ARHGEF10L: variants seen among roughly 807,000 people sequenced by gnomAD.
The protein encoded by ARHGEF10L is rho guanine nucleotide exchange factor 10-like protein.
A neutral mutation model predicts 141.2 loss-of-function variants in ARHGEF10L; 69 were observed. The observed-to-expected ratio is 0.49, with a 90% CI of 0.40 to 0.60. The LOEUF (loss-of-function observed/expected upper bound fraction) is 0.60. Among genes scored for constraint, ARHGEF10L ranks in the 20% least tolerant of loss-of-function variants. The pLI, the probability that ARHGEF10L is intolerant of heterozygous loss-of-function variation, is 0.00. For missense variants in ARHGEF10L, 1,482 were observed against 1,734.3 expected (o/e 0.85, Z 2.58); for synonymous variants, 711 against 718.5 (o/e 0.99, Z 0.17).
intron 1 of ARHGEF10L, among the ~76,000 whole-genome samples, chr1:17,543,963 T>C (rs1176842576): frequency 3.3e-5 from 5 of 150,666 alleles, no homozygotes; most frequent in African/African-American, 9.8e-5. Flanking sequence ...TATATATTTT[T>C]GAGATGGAGT....
intron 25 of ARHGEF10L, among the ~76,000 whole-genome samples, chr1:17,660,712 G>C (rs2102107228): frequency 6.6e-6 from 1 of 152,350 alleles, no homozygotes; most frequent in South Asian, 2.1e-4. Context: ...TGCTGAGACA[G>C]GGCCTTCATC....
At chr1:17,655,792 GGGTCCTTGGGAAAGCAGGGGCTGA>G (rs2062203250) in intron 23 of ARHGEF10L, 63 bp from the exon 24 acceptor site, 4 of 1,217,564 alleles carry the variant, frequency 3.3e-6, no homozygotes, top group Middle Eastern at 5.7e-4. Context: ...TCAGGGGATG[GGGTCCTTGGGAAAGCAGGGGCTGA>G]GGTCCTCCTC....
chr1:17,526,228 A>G, the ARHGEF10L span, among the ~76,000 whole-genome samples: 3 of 152,146 alleles, frequency 2.0e-5, no homozygotes, highest in Admixed American at 6.5e-5. Context: ...GAGCACAGGA[A>G]TGCAGGGGAG....
chr1:17,579,962 T>G (rs2078411561), intron 1 of ARHGEF10L, among the ~76,000 whole-genome samples: 1 of 152,240 alleles, frequency 6.6e-6, no homozygotes, highest in Non-Finnish European at 1.5e-5. Context: ...GTCCCTGTCT[T>G]ATGCCATTGG....
At chr1:17,581,296 A>C (rs1448196819) in intron 2 of ARHGEF10L, among the ~76,000 whole-genome samples, 1 of 126,434 alleles carries the variant, frequency 7.9e-6, no homozygotes, top group African/African-American at 2.9e-5. Flanking sequence ...TGGGTGACAG[A>C]GCAAGACTGT....
intron 1 of ARHGEF10L, among the ~76,000 whole-genome samples, chr1:17,551,039 G>A (rs2077093304): frequency 6.6e-6 from 1 of 152,032 alleles, no homozygotes; most frequent in Non-Finnish European, 1.5e-5. Context: ...CAGTGCACCT[G>A]CCAGCAGGTG....
rs560446060 is a variant in ARHGEF10L, at chr1:17,616,351, C to T, written c.835+149C>T. 52 of 675,264 alleles carry T rather than the reference C, an allele frequency of 7.7e-5. No individual in the cohort carries two copies. In the African/African-American group the frequency reaches 8.1e-4, roughly 11 times the overall value. The allele number at this position is 675,264 out of a possible 1,614,324, so 41.8% of individuals were successfully genotyped here. A position where few individuals can be genotyped will look rare whatever the true frequency, so the allele number is the denominator to read the frequency against. ...TGGTGGTGGGGGTTGGGGGCTGAGT[C>T]CCAAATATCCTGGTAGGTCCCAGTG... On this transcript the variant is annotated intron_variant, in intron 9 of 28. Coordinates refer to ENST00000361221, the MANE Select transcript of ARHGEF10L (RefSeq NM_018125.4).
intron 7 of ARHGEF10L, among the ~76,000 whole-genome samples, chr1:17,611,546 A>G (rs2101098033): frequency 6.8e-6 from 1 of 146,450 alleles, no homozygotes; most frequent in African/African-American, 2.7e-5. Context: ...CCATCCATCC[A>G]TCCATCCATC....
At chr1:17,562,261 C>CA (rs1557709933) in intron 1 of ARHGEF10L, among the ~76,000 whole-genome samples, 1 of 152,104 alleles carries the variant, frequency 6.6e-6, no homozygotes, top group Non-Finnish European at 1.5e-5. Flanking sequence ...CGAAAAAATA[C>CA]AAAAAATTGG....
chr1:17,554,810 C>T (rs1300226960), intron 1 of ARHGEF10L, among the ~76,000 whole-genome samples: 1 of 152,046 alleles, frequency 6.6e-6, no homozygotes, highest in Non-Finnish European at 1.5e-5. Context: ...AGGCTGGTCT[C>T]AAACTCCTGC....
intron 1 of ARHGEF10L, among the ~76,000 whole-genome samples, chr1:17,556,466 G>C (rs1009003340): frequency 6.6e-6 from 1 of 152,178 alleles, no homozygotes; most frequent in African/African-American, 2.4e-5. Flanking sequence ...CAGGGCTGAC[G>C]TTCTGTGAAC....
intron 4 of ARHGEF10L, among the ~76,000 whole-genome samples, chr1:17,588,899 T>TGTGTGTGTGTGTGTGTGTG (rs1557758147): frequency 2.7e-4 from 8 of 30,050 alleles, no homozygotes; most frequent in South Asian, 1.6e-3. Context: ...TGTGTGTGTG[T>TGTGTGTGTGTGTGTGTGTG]AGTGGGGGAG....
chr1:17,677,607 G>C (rs192975442), intron 26 of ARHGEF10L, among the ~76,000 whole-genome samples: 4 of 152,322 alleles, frequency 2.6e-5, no homozygotes, highest in Non-Finnish European at 1.5e-5. Flanking sequence ...GAGATCAGGG[G>C]GGGAGAGACC....
chr1:17,564,131 T>TA (rs1436092127), intron 1 of ARHGEF10L, among the ~76,000 whole-genome samples: 1 of 152,206 alleles, frequency 6.6e-6, no homozygotes, highest in Non-Finnish European at 1.5e-5. Flanking sequence ...AGCTGGCACA[T>TA]AGTGCTTGCT....
rs370689439 is a variant in ARHGEF10L, at chr1:17,624,410, T to A, written c.1224T>A (p.Asp408Glu). 2.5e-6 allele frequency: 4 copies of A among 1,614,188 alleles called. No individual in the cohort carries two copies. Among genetic ancestry groups the A allele is most frequent in the South Asian group, 1.1e-5 (1 of 91,084 alleles). The part of the protein sequence containing the change: ...VASFSKSMVL[D>E]VYSDYVNNFT... ...AGTTTTCCAAGTCCATGGTGCTAGATGTGTACAGTGACTACGTGAACAACT... is the reference window on the plus strand; with the variant it reads ...AGTTTTCCAAGTCCATGGTGCTAGAAGTGTACAGTGACTACGTGAACAACT... The change falls in exon 13 of 29, where the codon GAT becomes GAA. Residue 408 changes from aspartate (D) to glutamate (E), a missense_variant. By Grantham distance (45) the Asp-to-Glu change is conservative. This residue lies in a region of ARHGEF10L where 392 missense variants were observed against 542.1 expected (regional missense o/e 0.72). Transcript: ENST00000361221.
chr1:17,667,897 A>G (rs1275066866), intron 26 of ARHGEF10L, among the ~76,000 whole-genome samples: 4 of 152,064 alleles, frequency 2.6e-5, no homozygotes, highest in Admixed American at 1.3e-4. Context: ...GCCACTTCCA[A>G]CTCCGGGCAG....
In ARHGEF10L at chr1:17,656,156, G is replaced by C. The variant is rs575969161; in HGVS notation, c.2705+54G>C. 6.6e-6 allele frequency: 10 copies of C among 1,524,254 alleles called. No homozygotes were observed. In the East Asian group the frequency reaches 2.2e-4, roughly 34 times the overall value. 94.4% of individuals were successfully genotyped at this position (1,524,254 alleles called of 1,614,324 possible). ...CAGCCTCTGCAGGGCTGGGCAGTGG[G>C]TGGGGGCTGTCCCTGTAGCCTTCCG... is the stretch of plus-strand genomic sequence containing the variant. On this transcript the variant is annotated intron_variant, in intron 24 of 28. Coordinates refer to ENST00000361221, the MANE Select transcript of ARHGEF10L (RefSeq NM_018125.4). This position sits in a 1 kb window ranked among gnomAD's most constrained non-coding sequence, Gnocchi z 4.9.
At chr1:17,569,522 T>C (rs1365181258) in intron 1 of ARHGEF10L, among the ~76,000 whole-genome samples, 1 of 152,218 alleles carries the variant, frequency 6.6e-6, no homozygotes, top group Non-Finnish European at 1.5e-5. Context: ...AGGCTGTTTC[T>C]TTCCTGCCCA....
intron 26 of ARHGEF10L, among the ~76,000 whole-genome samples, chr1:17,682,677 T>C (rs138914751): frequency 7.2e-4 from 109 of 152,056 alleles, no homozygotes; most frequent in Non-Finnish European, 1.1e-3. Context: ...GCTCACCCAG[T>C]AAATAGCTGT....
Sources: gnomAD v4.1 joint callset for allele counts (sites outside exome capture counted in the v4.1 genomes callset) on GRCh38, gnomAD v4.1.1 for gene constraint, gnomAD v4.1.1 regional missense constraint, Gnocchi (gnomAD v3.1) non-coding constraint, MANE v1.5 for transcripts, NCBI Gene and HGNC (gene_info 2026-07-23, HGNC 2026-07-21) for gene names.